C3orf85: variants seen among roughly 807,000 people sequenced by gnomAD.
The protein encoded by C3orf85 is uncharacterized protein C3orf85.
Under a neutral mutation model 1.7 loss-of-function variants are expected in C3orf85, and 1 was observed. The ratio of observed to expected loss-of-function variants is 0.60; its 90% CI spans 0.21 to 2.86. The LOEUF (loss-of-function observed/expected upper bound fraction) is 2.86. C3orf85 is among the 30% of genes most tolerant of loss of function. The pLI is 0.22. For missense variants in C3orf85, 29 were observed against 21.3 expected, an observed-to-expected ratio of 1.36 and a Z score of -0.72; for synonymous variants, 17 against 8.0, an observed-to-expected ratio of 2.13 and a Z score of -1.90.
chr3:109,141,444 C>T (rs1706742580), intron 2 of C3orf85, among the ~76,000 whole-genome samples: 2 of 152,098 alleles, frequency 1.3e-5, no homozygotes, highest in Admixed American at 6.6e-5. Flanking sequence ...CTTTTGTAAA[C>T]CCGCTTCATT....
intron 2 of C3orf85, among the ~76,000 whole-genome samples, chr3:109,140,946 C>G (rs911896946): frequency 3.3e-5 from 5 of 152,134 alleles, no homozygotes; most frequent in Non-Finnish European, 7.4e-5. Context: ...TAGAAAGCAT[C>G]CTGTTAGACC....
chr3:109,138,147 A>C (rs1706701501), intron 2 of C3orf85, among the ~76,000 whole-genome samples: 2 of 152,142 alleles, frequency 1.3e-5, no homozygotes, highest in Admixed American at 6.5e-5. Flanking sequence ...ATTTACTTCA[A>C]CTCCAACTGA....
chr3:109,139,572 GT>G (rs1460951120), intron 2 of C3orf85, among the ~76,000 whole-genome samples: 1 of 152,006 alleles, frequency 6.6e-6, no homozygotes, highest in African/African-American at 2.4e-5. Flanking sequence ...TTTATACTGG[GT>G]TTTTTTTGTT....
At chr3:109,149,109 C>T (rs140899874) in intron 3 of C3orf85, 1 of 152,198 alleles carries the variant, frequency 6.6e-6, no homozygotes, top group African/African-American at 2.4e-5. Flanking sequence ...TTCAATTATT[C>T]ATGATCTCCC....
Position 109,148,454 on chromosome 3 carries a change from C to A in C3orf85, c.183+68C>A, listed in dbSNP as rs533795410. ...TTAAATAGTCATTGCATTAGCTGAC[C>A]ACTAATTAACACATGACTAGCCTAG... On this transcript the variant is annotated intron_variant, in intron 3 of 3. Coordinates refer to ENST00000622536, the MANE Select transcript of C3orf85 (RefSeq NM_001351622.2). The A allele has an allele frequency of 3.0e-5, 21 of 699,178 alleles. 1 individual carries two copies. Among genetic ancestry groups the A allele is most frequent in the South Asian group, 3.0e-4 (20 of 67,060 alleles). The allele number at this position is 699,178 out of a possible 1,614,324, so 43.3% of individuals were successfully genotyped here.
chr3:109,139,505 A>G (rs1386304406), intron 2 of C3orf85, among the ~76,000 whole-genome samples: 1 of 152,236 alleles, frequency 6.6e-6, no homozygotes, highest in Non-Finnish European at 1.5e-5. Flanking sequence ...AATATGGAAA[A>G]AAAACAAATT....
rs149829103 is a variant in C3orf85 at position 109,139,075 on chromosome 3, T to C, written c.49+2179T>C. Among the ~76,000 whole-genome samples the C allele has an allele frequency of 2.7e-4, 41 of 152,324 alleles. No individual in the cohort carries two copies. In the East Asian group the frequency reaches 7.9e-3, roughly 29 times the overall value. On this transcript the variant is annotated intron_variant, in intron 2 of 3. Transcript: ENST00000622536. ...TACTAATAGATGCTATGCTCCTCAT[T>C]TTACAGAAAGAGGGAACTGAGGGCT... is the stretch of plus-strand genomic sequence containing the variant.
At chr3:109,147,027 TCTGA>T (rs1253463923) in intron 2 of C3orf85, among the ~76,000 whole-genome samples, 1 of 152,198 alleles carries the variant, frequency 6.6e-6, no homozygotes, top group Non-Finnish European at 1.5e-5. Context: ...TCTAGCCAAC[TCTGA>T]CTATTGTTTT....
At chr3:109,144,744 C>T (rs1025816427) in intron 2 of C3orf85, among the ~76,000 whole-genome samples, 3 of 152,138 alleles carry the variant, frequency 2.0e-5, no homozygotes, top group African/African-American at 4.8e-5. Context: ...CCAAGTAACA[C>T]TATCTTAAGC....
At chr3:109,146,041 A>G (rs1706795751) in intron 2 of C3orf85, among the ~76,000 whole-genome samples, 1 of 152,208 alleles carries the variant, frequency 6.6e-6, no homozygotes. Flanking sequence ...AAATTGCTCC[A>G]ACTATGGATG....
rs76713306 is a variant in C3orf85, at chr3:109,145,868, C to T, written c.50-2385C>T. Among the ~76,000 whole-genome samples the T allele has an allele frequency of 8.1e-4, 123 of 152,284 alleles. 3 individuals carry two copies. The East Asian group carries it at 0.023, about 28-fold the overall frequency. ...ATTGGTAAAATGAAAGTCACCAACC[C>T]TGAATCTTCCTTTGCTCCTCCATTC... On this transcript the variant is annotated intron_variant, in intron 2 of 3. Transcript: ENST00000622536.
intron 2 of C3orf85, among the ~76,000 whole-genome samples, chr3:109,139,193 CTCTT>C (rs1706712919): frequency 6.6e-6 from 1 of 152,250 alleles, no homozygotes; most frequent in Admixed American, 6.5e-5. Context: ...GAGAACAAAA[CTCTT>C]CTTTCTGCTA....
Position 109,136,733 on chromosome 3 carries a change from G to T in C3orf85, c.-13G>T. On this transcript the variant is annotated 5_prime_UTR_variant, in exon 1 of 4. Transcript: ENST00000622536. ...CCTCTCTCTGTGTCTCAGCTCACAG[G>T]GCTTCCAGGTATGCAACAAATGCTT... 2.5e-6 allele frequency: 1 copy of T among 396,864 alleles called. No individual in the cohort carries two copies. Among genetic ancestry groups the T allele is most frequent in the Non-Finnish European group, 4.5e-6 (1 of 224,442 alleles). The allele number at this position is 396,864 out of a possible 1,614,324, so 24.6% of individuals were successfully genotyped here. A position where few individuals can be genotyped will look rare whatever the true frequency, so the allele number is the denominator to read the frequency against.
rs533052160 is a variant in C3orf85, at chr3:109,138,106, C to T, written c.49+1210C>T. 2.0e-5 allele frequency among the ~76,000 whole-genome samples: 3 copies of T among 152,250 alleles called. No individual in the cohort carries two copies. In the South Asian group the frequency reaches 6.2e-4, roughly 32 times the overall value. On this transcript the variant is annotated intron_variant, in intron 2 of 3. Transcript: ENST00000622536. Reference sequence around the variant, plus strand: ...TGGTTCTGCAAAATTTTTAAAGAGGCTTCAAAGACTTTCTTAAGAAACAAG... The same window carrying T: ...TGGTTCTGCAAAATTTTTAAAGAGGTTTCAAAGACTTTCTTAAGAAACAAG...
At position 109,148,718 on chromosome 3, in the gene C3orf85, T is replaced by A. The variant is rs780999123; in HGVS notation, c.183+332T>A. ...AATTACTTGTTTTGTGTACCCAACC[T>A]ACCTACCTAGACTATAAAGGTAGGG... On this transcript the variant is annotated intron_variant, in intron 3 of 3. Coordinates refer to ENST00000622536, the MANE Select transcript of C3orf85 (RefSeq NM_001351622.2). The A allele has an allele frequency of 5.8e-5, 16 of 276,314 alleles. No individual in the cohort carries two copies. In the South Asian group the frequency reaches 6.9e-4, roughly 12 times the overall value. The allele number at this position is 276,314 out of a possible 1,614,324, so 17.1% of individuals were successfully genotyped here. A position where few individuals can be genotyped will look rare whatever the true frequency, so the allele number is the denominator to read the frequency against.
rs565146578 is a variant in C3orf85 at position 109,139,695 on chromosome 3, G to A, written c.49+2799G>A. 2.0e-5 allele frequency among the ~76,000 whole-genome samples: 3 copies of A among 152,208 alleles called. No individual in the cohort carries two copies. The East Asian group carries it at 5.8e-4, about 29-fold the overall frequency. On this transcript the variant is annotated intron_variant, in intron 2 of 3. Coordinates refer to ENST00000622536, the MANE Select transcript of C3orf85 (RefSeq NM_001351622.2). ...TTCTCCTGATCAGATTTGGCAGCTG[G>A]AGTTGACCCATACACGAAACGATTT...
chr3:109,138,181 A>G (rs1030132170), intron 2 of C3orf85, among the ~76,000 whole-genome samples: 2 of 152,226 alleles, frequency 1.3e-5, no homozygotes, highest in Admixed American at 6.5e-5. Flanking sequence ...CTACCTATAA[A>G]GACAACTGGT....
chr3:109,141,131 C>T (rs945209699), intron 2 of C3orf85, among the ~76,000 whole-genome samples: 8 of 152,238 alleles, frequency 5.3e-5, no homozygotes, highest in African/African-American at 1.7e-4. Context: ...GGATTACAGG[C>T]ATGCACAACC....
chr3:109,137,635 GTGTATATATA>G lies in C3orf85; in HGVS notation c.49+741_49+750del, dbSNP rs60876500. ...GATGTATATATGTGTGTGTGTGTGT[GTGTATATATA>G]TATATATATATATATATATATATAA... is the stretch of plus-strand genomic sequence containing the variant. On this transcript the variant is annotated intron_variant, in intron 2 of 3. Coordinates refer to ENST00000622536, the MANE Select transcript of C3orf85 (RefSeq NM_001351622.2). 2.8e-3 allele frequency among the ~76,000 whole-genome samples: 138 copies of G among 48,804 alleles called. 3 individuals are homozygous for G. The East Asian group carries it at 0.071, about 25-fold the overall frequency. 32.0% of individuals were successfully genotyped at this position (48,804 alleles called of 152,430 possible). A position where few individuals can be genotyped will look rare whatever the true frequency, so the allele number is the denominator to read the frequency against.
Sources: allele counts gnomAD v4.1 joint callset (sites outside exome capture counted in the v4.1 genomes callset), GRCh38; gene constraint gnomAD v4.1.1; transcripts MANE v1.5; gene names NCBI Gene and HGNC (gene_info 2026-07-23, HGNC 2026-07-21).